IQCM: variants seen among roughly 807,000 people sequenced by gnomAD.
IQCM encodes the protein IQ domain-containing protein M.
In IQCM, 45 loss-of-function variants were observed where a neutral mutation model predicts 57.6. The observed-to-expected ratio is 0.78, with a 90% CI of 0.62 to 1.00. The LOEUF (loss-of-function observed/expected upper bound fraction) is 1.00. Ranked by LOEUF, IQCM falls within the 50% of genes least tolerant of loss-of-function variation. The probability of loss-of-function intolerance (pLI) is 0.00; values close to 1 mark genes in which losing one functional copy is unlikely to be tolerated. For missense variants in IQCM, 468 were observed against 511.6 expected (o/e 0.91, Z 0.82); for synonymous variants, 148 against 158.9 (o/e 0.93, Z 0.51).
Position 149,790,263 on chromosome 4 carries a change from T to G in IQCM, c.-49+25048A>C, listed in dbSNP as rs576218123. On this transcript the variant is annotated intron_variant, in intron 2 of 13. Transcript: ENST00000636793. Reference sequence around the variant, plus strand: ...GTGAAATTTACACATGATCAAATAATGTGATGATATGGAGAAGAGCCTGCT... The same window carrying G: ...GTGAAATTTACACATGATCAAATAAGGTGATGATATGGAGAAGAGCCTGCT... The G allele has an allele frequency of 6.4e-5, 17 of 263,966 alleles. 1 individual carries two copies. In the South Asian group the frequency reaches 1.2e-3, roughly 19 times the overall value. 16.4% of individuals were successfully genotyped at this position (263,966 alleles called of 1,614,324 possible). A position where few individuals can be genotyped will look rare whatever the true frequency, so the allele number is the denominator to read the frequency against.
chr4:149,567,179 G>T (rs1750714793), intron 9 of IQCM, among the ~76,000 whole-genome samples: 1 of 151,646 alleles, frequency 6.6e-6, no homozygotes, highest in Admixed American at 6.6e-5. Context: ...TCTTCTTTGT[G>T]ACTTATTTGC....
intron 8 of IQCM, among the ~76,000 whole-genome samples, chr4:149,590,853 G>T (rs2221364): frequency 0.21 from 32,458 of 151,864 alleles, 4,342 homozygotes; most frequent in Non-Finnish European, 0.29. Context: ...GTATATTATT[G>T]ATGGGCATTT....
chr4:149,800,883 A>G (rs1411558309), intron 2 of IQCM, among the ~76,000 whole-genome samples: 1 of 151,994 alleles, frequency 6.6e-6, no homozygotes, highest in Admixed American at 6.6e-5. Context: ...GGAAGAGTCA[A>G]TATTGTTAAA....
At chr4:149,531,912 G>T (rs1377113260) in intron 12 of IQCM, among the ~76,000 whole-genome samples, 1 of 151,992 alleles carries the variant, frequency 6.6e-6, no homozygotes, top group African/African-American at 2.4e-5. Flanking sequence ...ACTTTCTTAT[G>T]AACATATTGT....
intron 7 of IQCM, among the ~76,000 whole-genome samples, chr4:149,647,548 A>G (rs752247473): frequency 5.3e-5 from 8 of 152,028 alleles, no homozygotes; most frequent in Admixed American, 3.3e-4. Context: ...CACTGTTGAG[A>G]AATCAGTTAT....
At chr4:149,617,136 G>C (rs1755864666) in intron 8 of IQCM, among the ~76,000 whole-genome samples, 1 of 151,872 alleles carries the variant, frequency 6.6e-6, no homozygotes, top group South Asian at 2.1e-4. Context: ...TGTATTTTTA[G>C]TAGAGACAGG....
intron 12 of IQCM, among the ~76,000 whole-genome samples, chr4:149,509,914 T>C (rs943642652): frequency 1.5e-4 from 23 of 152,150 alleles, no homozygotes; most frequent in African/African-American, 5.5e-4. Flanking sequence ...TTTCTTTTCA[T>C]TTCAATACTT....
chr4:149,499,638 A>G (rs1456454382), intron 12 of IQCM, among the ~76,000 whole-genome samples: 3 of 152,154 alleles, frequency 2.0e-5, no homozygotes, highest in South Asian at 4.1e-4. Context: ...ATCATCTAAG[A>G]TAACACCTAT....
chr4:149,814,262 C>G (rs1408373637), intron 2 of IQCM, among the ~76,000 whole-genome samples: 2 of 151,974 alleles, frequency 1.3e-5, no homozygotes, highest in African/African-American at 4.8e-5. Flanking sequence ...CTATCAAATA[C>G]TGGTCAAATA....
At chr4:149,494,872 G>T (rs1742488858) in intron 12 of IQCM, among the ~76,000 whole-genome samples, 1 of 152,096 alleles carries the variant, frequency 6.6e-6, no homozygotes, top group Non-Finnish European at 1.5e-5. Flanking sequence ...TCTGACTTAT[G>T]TGTCTTAAAG....
chr4:149,649,512 T>C (rs1247698051), intron 7 of IQCM, among the ~76,000 whole-genome samples: 2 of 152,176 alleles, frequency 1.3e-5, no homozygotes, highest in African/African-American at 4.8e-5. Flanking sequence ...TTAAGTTCTA[T>C]GGTGACTTTT....
intron 6 of IQCM, among the ~76,000 whole-genome samples, chr4:149,684,373 A>G (rs1056393268): frequency 6.6e-6 from 1 of 151,364 alleles, no homozygotes; most frequent in East Asian, 1.9e-4. Context: ...TGTTGGGCCA[A>G]TATTTCAATA....
At chr4:149,502,941 A>T (rs1465508783) in intron 12 of IQCM, among the ~76,000 whole-genome samples, 3 of 152,000 alleles carry the variant, frequency 2.0e-5, no homozygotes, top group Non-Finnish European at 2.9e-5. Flanking sequence ...TAAAAAAAAA[A>T]GTAGGCCGGG....
At chr4:149,496,923 G>C (rs1037833073) in intron 12 of IQCM, among the ~76,000 whole-genome samples, 2 of 152,056 alleles carry the variant, frequency 1.3e-5, no homozygotes, top group Non-Finnish European at 2.9e-5. Context: ...ATAAGACAAG[G>C]TATTTGCTCC....
chr4:149,553,864 G>A (rs1749279886), intron 10 of IQCM, among the ~76,000 whole-genome samples: 1 of 152,012 alleles, frequency 6.6e-6, no homozygotes, highest in Admixed American at 6.6e-5. Context: ...TTCTGTGTAT[G>A]CATTTTCAAC....
At chr4:149,382,128 A>G (rs1301833875) in intron 13 of IQCM, among the ~76,000 whole-genome samples, 1 of 152,154 alleles carries the variant, frequency 6.6e-6, no homozygotes, top group Non-Finnish European at 1.5e-5. Context: ...CTCTACTAAA[A>G]TATAAACTCT....
intron 13 of IQCM, among the ~76,000 whole-genome samples, chr4:149,373,711 T>C (rs1469798440): frequency 6.6e-6 from 1 of 152,148 alleles, no homozygotes; most frequent in Non-Finnish European, 1.5e-5. Context: ...TACGAGCATT[T>C]ATAAATATTT....
At chr4:149,592,635 T>C (rs1753313318) in intron 8 of IQCM, among the ~76,000 whole-genome samples, 1 of 150,274 alleles carries the variant, frequency 6.7e-6, no homozygotes, top group Middle Eastern at 3.2e-3. Context: ...AATTTTTGTA[T>C]AAGGTGTAAG....
intron 2 of IQCM, among the ~76,000 whole-genome samples, chr4:149,778,510 GA>G (rs201623947): frequency 0.022 from 3,393 of 152,208 alleles, 62 homozygotes; most frequent in South Asian, 0.035. Flanking sequence ...TTAACAATTT[GA>G]GTTTTCACCT....
Sources: allele counts gnomAD v4.1 joint callset (sites outside exome capture counted in the v4.1 genomes callset), GRCh38; gene constraint gnomAD v4.1.1; transcripts MANE v1.5; gene names NCBI Gene and HGNC (gene_info 2026-07-23, HGNC 2026-07-21).